The following ATCAY variants were observed in gnomAD, a reference collection of about 807,000 sequenced individuals.
ATCAY encodes ATCAY kinesin light chain interacting caytaxin.
A neutral mutation model predicts 47.7 loss-of-function variants in ATCAY; 22 were observed. The observed-to-expected ratio is 0.46, with a 90% CI of 0.33 to 0.66. The LOEUF is 0.66. Ranked by LOEUF, ATCAY falls within the 30% of genes least tolerant of loss-of-function variation. The pLI, the probability that ATCAY is intolerant of heterozygous loss-of-function variation, is 0.02. For synonymous variants in ATCAY, 216 were observed against 207.6 expected, an observed-to-expected ratio of 1.04 and a Z score of -0.35; for missense variants, 452 against 515.0, an observed-to-expected ratio of 0.88 and a Z score of 1.18.
intron 9 of ATCAY, among the ~76,000 whole-genome samples, chr19:3,917,056 C>T (rs183895478): frequency 4.6e-5 from 7 of 152,246 alleles, no homozygotes; most frequent in Non-Finnish European, 1.0e-4. Context: ...ATCTGCCCGC[C>T]TCGGCCTCCC....
At chr19:3,887,689 T>C (rs2038672712) in intron 2 of ATCAY, among the ~76,000 whole-genome samples, 1 of 150,130 alleles carries the variant, frequency 6.7e-6, no homozygotes, top group South Asian at 2.1e-4. Context: ...GGTTTCACCA[T>C]GTTAGCCAGG....
intron 2 of ATCAY, among the ~76,000 whole-genome samples, chr19:3,891,821 G>C (rs988642103): frequency 3.3e-5 from 5 of 152,110 alleles, no homozygotes; most frequent in African/African-American, 9.7e-5. Context: ...CCTCACAGCT[G>C]AGTGGCTGCC....
chr19:3,912,337 G>A (rs1256865633), intron 8 of ATCAY, among the ~76,000 whole-genome samples: 1 of 151,024 alleles, frequency 6.6e-6, no homozygotes, highest in African/African-American at 2.4e-5. Context: ...TTTTTCAGAC[G>A]GAGTCTCACT....
chr19:3,916,996 T>C (rs2038971752), intron 9 of ATCAY, among the ~76,000 whole-genome samples: 2 of 151,938 alleles, frequency 1.3e-5, no homozygotes, highest in Non-Finnish European at 2.9e-5. Context: ...TTAGTAGAGA[T>C]AGGGTTTCAC....
intron 1 of ATCAY, among the ~76,000 whole-genome samples, chr19:3,881,665 G>A (rs1225761376): frequency 6.6e-6 from 1 of 150,802 alleles, no homozygotes; most frequent in African/African-American, 2.4e-5. Flanking sequence ...AGAAGACTGT[G>A]GAGTCAACGC....
At chr19:3,902,828 C>T (rs2038827196) in intron 3 of ATCAY, among the ~76,000 whole-genome samples, 1 of 152,170 alleles carries the variant, frequency 6.6e-6, no homozygotes, top group Admixed American at 6.5e-5. Flanking sequence ...GAGCTTCTCG[C>T]AGAGGGGGCA....
chr19:3,893,638 T>C (rs1842092669), intron 2 of ATCAY: 1 of 152,208 alleles, frequency 6.6e-6, no homozygotes, highest in African/African-American at 2.4e-5. Context: ...GGATCTCACC[T>C]GACCTTGGAA....
chr19:3,908,692 TC>T (rs796905816), intron 6 of ATCAY, among the ~76,000 whole-genome samples: 7 of 36,142 alleles, frequency 1.9e-4, no homozygotes, highest in South Asian at 1.2e-3. Flanking sequence ...CCCTTCTTCC[TC>T]CCCCCTCCTC....
chr19:3,921,918 A>G (rs1198296075), intron 12 of ATCAY, among the ~76,000 whole-genome samples: 1 of 151,794 alleles, frequency 6.6e-6, no homozygotes, highest in Non-Finnish European at 1.5e-5. Context: ...ACAAAAAAAC[A>G]AAAAACTTAA....
At position 3,909,633 on chromosome 19, in the gene ATCAY, C is replaced by G; in HGVS notation, c.779+16C>G. 1 of 1,567,000 alleles carries G rather than the reference C, an allele frequency of 6.4e-7. No individual in the cohort carries two copies. The highest frequency in any genetic ancestry group is 8.7e-7 in the Non-Finnish European group (1 of 1,155,972). Reference sequence around the variant, plus strand: ...TCGACCGGAGGTGAGGTGGGGATGCCTCAGGAAGCACAGTGGGGGCATGAA... The same window carrying G: ...TCGACCGGAGGTGAGGTGGGGATGCGTCAGGAAGCACAGTGGGGGCATGAA... On this transcript the variant is annotated intron_variant, in intron 7 of 12. Transcript: ENST00000450849.
intron 9 of ATCAY, among the ~76,000 whole-genome samples, chr19:3,916,645 C>G (rs779565933): frequency 1.0e-3 from 152 of 152,212 alleles, no homozygotes; most frequent in Non-Finnish European, 1.4e-3. Context: ...AGGCGCCCAC[C>G]ACCACACCCA....
chr19:3,892,987 G>C (rs888937756), intron 2 of ATCAY, among the ~76,000 whole-genome samples: 2 of 152,076 alleles, frequency 1.3e-5, no homozygotes, highest in African/African-American at 4.8e-5. Context: ...CCAAACCCTG[G>C]GTCCAAGACC....
intron 2 of ATCAY, among the ~76,000 whole-genome samples, chr19:3,901,677 G>A (rs116071298): frequency 0.03 from 4,634 of 152,176 alleles, 260 homozygotes; most frequent in African/African-American, 0.11. Flanking sequence ...GCCCTGATGC[G>A]TTATAATTTT....
chr19:3,886,777 G>A (rs1003930246), intron 2 of ATCAY, among the ~76,000 whole-genome samples: 3 of 144,166 alleles, frequency 2.1e-5, no homozygotes, highest in Non-Finnish European at 4.5e-5. Flanking sequence ...GCAGTGGCAC[G>A]ATCTCAGGTC....
intron 2 of ATCAY, among the ~76,000 whole-genome samples, chr19:3,888,835 G>A (rs1778362934): frequency 6.6e-6 from 1 of 152,084 alleles, no homozygotes; most frequent in Non-Finnish European, 1.5e-5. Context: ...CCAGGCAGAA[G>A]GAGGACTGTT....
rs548436714 is a variant in ATCAY at position 3,922,284 on chromosome 19, T to C, written c.1106+1486T>C. 7.3e-6 allele frequency: 5 copies of C among 682,752 alleles called. No individual in the cohort carries two copies. In the East Asian group the frequency reaches 1.4e-4, roughly 19 times the overall value. The allele number at this position is 682,752 out of a possible 1,614,324, so 42.3% of individuals were successfully genotyped here. A position where few individuals can be genotyped will look rare whatever the true frequency, so the allele number is the denominator to read the frequency against. On this transcript the variant is annotated intron_variant, in intron 12 of 12. Coordinates refer to ENST00000450849, the MANE Select transcript of ATCAY (RefSeq NM_033064.5). ...GAAATACCCAAGACCGGGTAAATTATAAAGAAAAGAGGTTTAATTGACTCA... is the reference window on the plus strand; with the variant it reads ...GAAATACCCAAGACCGGGTAAATTACAAAGAAAAGAGGTTTAATTGACTCA...
At chr19:3,917,612 GAA>G (rs376225230) in intron 9 of ATCAY, 128 bp from the exon 10 acceptor site, 401 of 483,556 alleles carry the variant, frequency 8.3e-4, no homozygotes, top group Middle Eastern at 1.3e-3. Flanking sequence ...AAAAAAAAAG[GAA>G]GAAGAAGAAG....
intron 12 of ATCAY, among the ~76,000 whole-genome samples, chr19:3,921,168 C>A (rs544269128): frequency 2.6e-5 from 4 of 152,172 alleles, no homozygotes; most frequent in African/African-American, 9.7e-5. Context: ...AAAGGGTAGA[C>A]TGTCCACGCT....
At chr19:3,882,498 TA>T (rs2038610939) in intron 1 of ATCAY, among the ~76,000 whole-genome samples, 1 of 132,466 alleles carries the variant, frequency 7.5e-6, no homozygotes, top group Admixed American at 8.2e-5. Context: ...TTAATTTTTG[TA>T]TTTTTTTTTT....
Sources: allele counts gnomAD v4.1 joint callset (sites outside exome capture counted in the v4.1 genomes callset), GRCh38; gene constraint gnomAD v4.1.1; transcripts MANE v1.5; gene names NCBI Gene and HGNC (gene_info 2026-07-23, HGNC 2026-07-21).